PROM1: variants seen among roughly 807,000 people sequenced by gnomAD.
PROM1 encodes prominin-1.
PROM1 carries 105 observed loss-of-function variants against 116.9 expected under a neutral mutation model. That is an observed-to-expected ratio of 0.90 (90% CI 0.77 to 1.06). The LOEUF (loss-of-function observed/expected upper bound fraction) is 1.06. Ranked by LOEUF, PROM1 falls within the 50% of genes least tolerant of loss-of-function variation. PROM1 has a pLI of 0.00. For synonymous variants in PROM1, 393 were observed against 387.0 expected (o/e 1.02, Z -0.18); for missense variants, 1,122 against 1,045.2 (o/e 1.07, Z -1.01).
At chr4:16,004,956 GCT>G (rs1209833954) in intron 13 of PROM1, among the ~76,000 whole-genome samples, 2 of 47,618 alleles carry the variant, frequency 4.2e-5, no homozygotes, top group Admixed American at 3.4e-4. Flanking sequence ...TTTATTTCTC[GCT>G]CTCTCTTTTT....
intron 26 of PROM1, among the ~76,000 whole-genome samples, chr4:15,972,257 T>C (rs1002476507): frequency 1.1e-4 from 16 of 152,224 alleles, no homozygotes; most frequent in African/African-American, 3.6e-4. Flanking sequence ...TGTCTTAGTA[T>C]GTTTTCTGCT....
chr4:16,063,680 CA>C (rs1237790188), intron 2 of PROM1, among the ~76,000 whole-genome samples: 2 of 151,746 alleles, frequency 1.3e-5, no homozygotes, highest in South Asian at 2.1e-4. Flanking sequence ...CTGATTCAAA[CA>C]AAAAAAACTT....
At chr4:15,997,309 C>CAT (rs143329386) in intron 15 of PROM1, among the ~76,000 whole-genome samples, 1,609 of 142,668 alleles carry the variant, frequency 0.011, 29 homozygotes, top group South Asian at 0.018. Flanking sequence ...GAAATGCAAA[C>CAT]ATATATATAT....
intron 2 of PROM1, among the ~76,000 whole-genome samples, chr4:16,054,247 T>C (rs1054303404): frequency 3.9e-5 from 6 of 152,220 alleles, no homozygotes; most frequent in Admixed American, 1.3e-4. Flanking sequence ...CATTCCATTC[T>C]ATACAGCGCT....
chr4:16,016,026 G>T, intron 10 of PROM1, 140 bp downstream of exon 10: 1 of 703,728 alleles, frequency 1.4e-6, no homozygotes, highest in Non-Finnish European at 2.4e-6. Context: ...ACAATTGCCT[G>T]GAAGGTAATA....
At chr4:16,060,706 T>C (rs574883660) in intron 2 of PROM1, among the ~76,000 whole-genome samples, 1 of 152,312 alleles carries the variant, frequency 6.6e-6, no homozygotes, top group South Asian at 2.1e-4. Context: ...AACTTGGTGA[T>C]CATTAATTAC....
intron 2 of PROM1, among the ~76,000 whole-genome samples, chr4:16,065,149 G>A (rs77168548): frequency 0.018 from 2,741 of 152,198 alleles, 86 homozygotes; most frequent in African/African-American, 0.061. Context: ...TCTGAGTGAT[G>A]CTCAATCTCC....
chr4:16,026,862 C>A (rs1731415074), intron 5 of PROM1, among the ~76,000 whole-genome samples: 1 of 152,118 alleles, frequency 6.6e-6, no homozygotes, highest in Non-Finnish European at 1.5e-5. Flanking sequence ...AGACTAGGGG[C>A]ACAAGATTTG....
chr4:16,058,163 A>G (rs1409990549), intron 2 of PROM1, among the ~76,000 whole-genome samples: 1 of 152,226 alleles, frequency 6.6e-6, no homozygotes, highest in Non-Finnish European at 1.5e-5. Context: ...GAAAACAGTG[A>G]GGAGAGAGTG....
intron 3 of PROM1, 69 bp from the exon 4 acceptor site, chr4:16,035,830 G>T: frequency 1.4e-6 from 2 of 1,420,084 alleles, no homozygotes; most frequent in Non-Finnish European, 2.0e-6. Context: ...GACAGAAAAA[G>T]TTATGAGTGA....
chr4:16,018,946 A>G (rs191484286), intron 8 of PROM1, among the ~76,000 whole-genome samples: 10 of 152,340 alleles, frequency 6.6e-5, no homozygotes, highest in African/African-American at 2.4e-4. Context: ...TTTTAGCTCT[A>G]TTTATTCTAA....
chr4:16,083,871 G>C (rs1056396399), intron 1 of PROM1, 107 bp downstream of exon 1: 1 of 152,262 alleles, frequency 6.6e-6, no homozygotes, highest in Non-Finnish European at 1.5e-5. Flanking sequence ...CGGGAGGCAG[G>C]AGAAAGGCCC....
chr4:16,059,573 T>C lies in PROM1; in HGVS notation c.220+16114A>G, dbSNP rs1259765005. On this transcript the variant is annotated intron_variant, in intron 2 of 27. Transcript: ENST00000447510. ...AAAAAAAATTAGTCGGGTGGGGTGG[T>C]GCATGCCTGTGTTCCAGCTACTGGA... is the stretch of plus-strand genomic sequence containing the variant. 2.0e-5 allele frequency among the ~76,000 whole-genome samples: 3 copies of C among 151,936 alleles called. No individual in the cohort carries two copies. The East Asian group carries it at 5.8e-4, about 29-fold the overall frequency.
chr4:15,973,833 TG>T (rs1194815734), intron 26 of PROM1, among the ~76,000 whole-genome samples: 19 of 152,114 alleles, frequency 1.2e-4, no homozygotes, highest in African/African-American at 4.3e-4. Flanking sequence ...TGTAGAGACC[TG>T]GGCATGGCCT....
chr4:15,995,985 AGCAGTTG>A, intron 15 of PROM1, among the ~76,000 whole-genome samples: 1 of 152,348 alleles, frequency 6.6e-6, no homozygotes, highest in East Asian at 1.9e-4. Context: ...TAATAATAAA[AGCAGTTG>A]TTAGTATGGT....
At position 15,992,379 on chromosome 4, in the gene PROM1, T is replaced by C; in HGVS notation, c.1780A>G (p.Ile594Val). ...HLNINEHTGS[I>V]SSELESLKVN... The stretch of plus-strand genomic sequence containing the variant: ...TTCAGACTTTCCAATTCACTGCTTA[T>C]GCTTCCAGTATGCTGCGAAAAAAGG... Residue 594 changes from isoleucine to valine, a missense_variant, in exon 17 of 28, where the codon ATA becomes GTA. Physicochemically the swap from Ile to Val is conservative, Grantham distance 29 (BLOSUM62 3). Coordinates refer to ENST00000447510, the MANE Select transcript of PROM1 (RefSeq NM_006017.3). 1 of 1,613,672 alleles carries C rather than the reference T, an allele frequency of 6.2e-7. No homozygotes were observed. Among genetic ancestry groups the C allele is most frequent in the Non-Finnish European group, 8.5e-7 (1 of 1,179,700 alleles).
chr4:15,985,974 A>T lies in PROM1; in HGVS notation c.2194T>A (p.Ser732Thr), dbSNP rs1463403421. The T allele has an allele frequency of 2.3e-6, 3 of 1,277,084 alleles. No individual in the cohort carries two copies. In the Admixed American group the frequency reaches 7.5e-5, roughly 32 times the overall value. 79.1% of individuals were successfully genotyped at this position (1,277,084 alleles called of 1,614,324 possible). Reference sequence around the variant, plus strand: ...AGGCTCACCTCAATAATAACAGAGGAAGTATTGTTTGTGATGAAGTTCTGA... The same window carrying T: ...AGGCTCACCTCAATAATAACAGAGGTAGTATTGTTTGTGATGAAGTTCTGA... ...FAQNFITNNT[S>T]SVIIEETKKY... is the part of the protein sequence containing the mutation. The change falls in exon 21 of 28, where the codon TCC becomes ACC. Residue 732 changes from serine to threonine, a missense_variant. Transcript: ENST00000447510.
Position 15,980,517 on chromosome 4 carries a change from T to C in PROM1, c.2394A>G (p.Ile798Met), listed in dbSNP as rs1343716855. The C allele has an allele frequency of 6.5e-7, 1 of 1,544,916 alleles. No individual in the cohort carries two copies. The highest frequency in any genetic ancestry group is 8.7e-7 in the Non-Finnish European group (1 of 1,144,566). ...GAAGTAAAAATACAGTAGCTTTTCC[T>C]ATGCCAAACCAAAACAAATTCTAGG... ...IDPLNLFWFG[I>M]GKATVFLLPA... The change falls in exon 24 of 28, where the codon ATA (isoleucine) becomes ATG (methionine). Residue 798 changes from isoleucine (I) to methionine (M), a missense_variant. By Grantham distance (10) the Ile-to-Met change is conservative. Coordinates refer to ENST00000447510, the MANE Select transcript of PROM1 (RefSeq NM_006017.3).
intron 25 of PROM1, 148 bp from the exon 26 acceptor site, chr4:15,979,611 T>C: frequency 4.5e-6 from 6 of 1,332,104 alleles, no homozygotes; most frequent in Non-Finnish European, 5.9e-6. Context: ...AATTGACATT[T>C]TGCTCCTTTT....
Sources: gnomAD v4.1 joint callset for allele counts (sites outside exome capture counted in the v4.1 genomes callset) on GRCh38, gnomAD v4.1.1 for gene constraint, MANE v1.5 for transcripts, NCBI Gene and HGNC (gene_info 2026-07-23, HGNC 2026-07-21) for gene names.